Variants in COL24A1 observed in about 807,000 individuals in gnomAD.
COL24A1 encodes collagen alpha-1(XXIV) chain.
Under a neutral mutation model 253.9 loss-of-function variants are expected in COL24A1, and 224 were observed. That is an observed-to-expected ratio of 0.88 (90% CI 0.79 to 0.99). The LOEUF (loss-of-function observed/expected upper bound fraction) is 0.99. Among genes scored for constraint, COL24A1 ranks in the 50% least tolerant of loss-of-function variants. COL24A1 has a pLI of 0.00. For missense variants in COL24A1, 2,131 were observed against 2,068.5 expected, an observed-to-expected ratio of 1.03 and a Z score of -0.59; for synonymous variants, 685 against 673.7, an observed-to-expected ratio of 1.02 and a Z score of -0.26.
At chr1:85,859,634 C>T (rs1678908553) in intron 37 of COL24A1, among the ~76,000 whole-genome samples, 1 of 152,008 alleles carries the variant, frequency 6.6e-6, no homozygotes, top group African/African-American at 2.4e-5. Context: ...ATTTCCACTG[C>T]TAGTAGGCTG....
intron 1 of COL24A1, among the ~76,000 whole-genome samples, chr1:86,151,449 C>T (rs1652765561): frequency 6.6e-6 from 1 of 151,998 alleles, no homozygotes; most frequent in African/African-American, 2.4e-5. Context: ...CATAAAGGCT[C>T]AAAAAATATA....
At chr1:86,035,746 G>T (rs1198274336) in intron 12 of COL24A1, among the ~76,000 whole-genome samples, 1 of 152,104 alleles carries the variant, frequency 6.6e-6, no homozygotes, top group Non-Finnish European at 1.5e-5. Flanking sequence ...CAATAAAGTT[G>T]TTCTTAAAAA....
At position 85,778,856 on chromosome 1, in the gene COL24A1, G is replaced by C. The variant is rs540584813; in HGVS notation, c.4338+2364C>G. On this transcript the variant is annotated intron_variant, in intron 52 of 59. Transcript: ENST00000370571. ...TGACCTCAGGTGATCTGCCCACCTC[G>C]GCCTCCCAAAGTGCTGGGATTACAA... is the stretch of plus-strand genomic sequence containing the variant. Among the ~76,000 whole-genome samples the C allele has an allele frequency of 1.1e-3, 171 of 151,666 alleles. 2 individuals carry two copies. Among genetic ancestry groups the C allele is most frequent in the Non-Finnish European group, 2.8e-4 (19 of 67,844 alleles).
intron 6 of COL24A1, among the ~76,000 whole-genome samples, chr1:86,090,106 G>T (rs1361065347): frequency 6.6e-6 from 1 of 152,172 alleles, no homozygotes; most frequent in African/African-American, 2.4e-5. Context: ...TGATTGGGAA[G>T]TCCATCATGT....
intron 53 of COL24A1, among the ~76,000 whole-genome samples, chr1:85,768,589 G>GC (rs1405635058): frequency 1.4e-5 from 2 of 145,508 alleles, no homozygotes; most frequent in Non-Finnish European, 3.0e-5. Context: ...CTTTTGTGCG[G>GC]GGGGAGGGCT....
At chr1:85,825,398 C>T (rs926353547) in intron 43 of COL24A1, among the ~76,000 whole-genome samples, 2 of 152,128 alleles carry the variant, frequency 1.3e-5, no homozygotes, top group African/African-American at 4.8e-5. Flanking sequence ...GTGCATGTGT[C>T]TTTATAGCAG....
In COL24A1 at chr1:86,126,163, G is replaced by A. The variant is rs1648269324; in HGVS notation, c.173C>T (p.Ser58Leu). The change falls in exon 3 of 60, where the codon TCA becomes TTA. Residue 58 changes from serine (S) to leucine (L), a missense_variant. Ser to Leu is a moderately radical substitution (Grantham distance 145). Coordinates refer to ENST00000370571, the MANE Select transcript of COL24A1 (RefSeq NM_152890.7). ...TGATGGTACAGCAGTCGCTGGTGAT[G>A]AGTGTCTTACGTCTTTGCCTCCAAG... The part of the protein sequence containing the change: ...LGLGGKDVRH[S>L]SPATAVPSAS... The A allele has an allele frequency of 4.4e-6, 7 of 1,607,530 alleles. No individual in the cohort carries two copies. Among genetic ancestry groups the A allele is most frequent in the East Asian group, 2.2e-5 (1 of 44,836 alleles).
At position 85,990,425 on chromosome 1, in the gene COL24A1, C is replaced by G. The variant is rs181590943; in HGVS notation, c.2311-2771G>C. ...TAGACTCTCATAAGGAGCATGCAACCTAGATCCCTCACACGTGCAGTTCAC... is the reference window on the plus strand; with the variant it reads ...TAGACTCTCATAAGGAGCATGCAACGTAGATCCCTCACACGTGCAGTTCAC... On this transcript the variant is annotated intron_variant, in intron 19 of 59. Transcript: ENST00000370571. Among the ~76,000 whole-genome samples the G allele has an allele frequency of 5.1e-3, 773 of 152,278 alleles. 3 individuals are homozygous for G. The highest frequency in any genetic ancestry group is 0.015 in the African/African-American group (611 of 41,562).
chr1:85,808,229 A>G (rs1246695842), intron 47 of COL24A1, among the ~76,000 whole-genome samples: 1 of 152,234 alleles, frequency 6.6e-6, no homozygotes, highest in Non-Finnish European at 1.5e-5. Flanking sequence ...TAAAGGCCTG[A>G]AAGATACAGG....
chr1:85,818,002 A>G (rs781775643), intron 46 of COL24A1, 32 bp downstream of exon 46: 63 of 1,602,054 alleles, frequency 3.9e-5, no homozygotes, highest in Non-Finnish European at 5.4e-5. Context: ...CATTTAGAAA[A>G]GCAAGAAAGA....
At chr1:86,130,623 T>C (rs193294807) in intron 2 of COL24A1, among the ~76,000 whole-genome samples, 23 of 152,100 alleles carry the variant, frequency 1.5e-4, no homozygotes, top group Admixed American at 8.5e-4. Context: ...CCTTCTAATA[T>C]TAGTCTATAG....
At chr1:85,917,599 A>G (rs992065169) in intron 24 of COL24A1, among the ~76,000 whole-genome samples, 7 of 149,800 alleles carry the variant, frequency 4.7e-5, no homozygotes, top group African/African-American at 1.2e-4. Context: ...TCTTTGCTCA[A>G]TTTATTTTTT....
intron 19 of COL24A1, among the ~76,000 whole-genome samples, chr1:86,010,746 A>T (rs1696413740): frequency 6.6e-6 from 1 of 152,132 alleles, no homozygotes; most frequent in Non-Finnish European, 1.5e-5. Flanking sequence ...CCACACAATG[A>T]AGTACTATGA....
At chr1:86,122,462 C>T (rs1647517194) in intron 3 of COL24A1, among the ~76,000 whole-genome samples, 1 of 151,964 alleles carries the variant, frequency 6.6e-6, no homozygotes, top group African/African-American at 2.4e-5. Flanking sequence ...TAGAAATACT[C>T]CCAAATCTAT....
intron 32 of COL24A1, among the ~76,000 whole-genome samples, chr1:85,889,300 C>T (rs532876180): frequency 2.0e-5 from 3 of 152,024 alleles, no homozygotes; most frequent in East Asian, 3.9e-4. Context: ...TTCTGAGATT[C>T]AATAAAACAG....
At chr1:85,807,357 A>T (rs1306777181) in intron 47 of COL24A1, among the ~76,000 whole-genome samples, 1 of 152,252 alleles carries the variant, frequency 6.6e-6, no homozygotes, top group African/African-American at 2.4e-5. Flanking sequence ...GTTAAGAAAC[A>T]TCATTGGAAA....
At chr1:85,927,066 G>C (rs1218809411) in intron 24 of COL24A1, among the ~76,000 whole-genome samples, 3 of 151,828 alleles carry the variant, frequency 2.0e-5, no homozygotes, top group East Asian at 3.9e-4. Flanking sequence ...ATGTGTGTAG[G>C]GGGAGGAGGA....
At chr1:85,991,936 G>A (rs1003417462) in intron 19 of COL24A1, among the ~76,000 whole-genome samples, 3 of 150,216 alleles carry the variant, frequency 2.0e-5, no homozygotes, top group Non-Finnish European at 4.4e-5. Flanking sequence ...TATACTTTAA[G>A]TTTTAGAGTA....
At chr1:85,832,319 G>T (rs1675389405) in intron 43 of COL24A1, among the ~76,000 whole-genome samples, 1 of 151,990 alleles carries the variant, frequency 6.6e-6, no homozygotes, top group Non-Finnish European at 1.5e-5. Context: ...ATGCTGTTTT[G>T]GTTACTGTAG....
Sources: allele counts gnomAD v4.1 joint callset (sites outside exome capture counted in the v4.1 genomes callset), GRCh38; gene constraint gnomAD v4.1.1; transcripts MANE v1.5; gene names NCBI Gene and HGNC (gene_info 2026-07-23, HGNC 2026-07-21).